Variants in FGF23 observed in about 807,000 individuals in gnomAD.
FGF23 encodes the protein fibroblast growth factor 23.
A neutral mutation model predicts 9.0 loss-of-function variants in FGF23; 8 were observed. The ratio of observed to expected loss-of-function variants is 0.89; its 90% confidence interval spans 0.52 to 1.60. The LOEUF (loss-of-function observed/expected upper bound fraction) is 1.60, where lower values mean the gene tolerates loss of function less well. Ranked by LOEUF, FGF23 falls within the 40% of genes most tolerant of loss-of-function variation. The pLI is 0.00. For synonymous variants in FGF23, 118 were observed against 146.2 expected (o/e 0.81, Z 1.39); for missense variants, 311 against 344.3 (o/e 0.90, Z 0.77).
At chr12:4,374,859 A>G (rs186575453) in intron 1 of FGF23, among the ~76,000 whole-genome samples, 1 of 152,314 alleles carries the variant, frequency 6.6e-6, no homozygotes, top group African/African-American at 2.4e-5. Flanking sequence ...TGATAAGGAA[A>G]CTAAGACAGG....
In FGF23 at chr12:4,369,015, T is replaced by A. The variant is rs1311908922; in HGVS notation, c.*1328A>T. On this transcript the variant is annotated 3_prime_UTR_variant, in exon 3 of 3. Coordinates refer to ENST00000237837, the MANE Select transcript of FGF23 (RefSeq NM_020638.3). ...TAATATACTGTCCTTTAGGTGGTCATTTAAAGAGAGGGAGGAAAATGGAGC... is the reference window on the plus strand; with the variant it reads ...TAATATACTGTCCTTTAGGTGGTCAATTAAAGAGAGGGAGGAAAATGGAGC... The A allele has an allele frequency of 1.3e-5, 3 of 227,484 alleles. No individual in the cohort carries two copies. Among genetic ancestry groups the A allele is most frequent in the African/African-American group, 6.7e-5 (3 of 45,002 alleles). 14.1% of individuals were successfully genotyped at this position (227,484 alleles called of 1,614,324 possible). A position where few individuals can be genotyped will look rare whatever the true frequency, so the allele number is the denominator to read the frequency against.
chr12:4,370,819 A>G (rs1865057061), intron 2 of FGF23, 36 bp from the exon 3 acceptor site: 1 of 1,600,266 alleles, frequency 6.2e-7, no homozygotes, highest in Non-Finnish European at 8.6e-7. Context: ...GAAGGCTGGC[A>G]GTGGGGGCCC....
intron 1 of FGF23, among the ~76,000 whole-genome samples, chr12:4,375,143 C>G (rs868587818): frequency 6.6e-6 from 1 of 152,196 alleles, no homozygotes; most frequent in Admixed American, 6.5e-5. Flanking sequence ...GCTGTCCTGC[C>G]TACTTCATAG....
intron 1 of FGF23, among the ~76,000 whole-genome samples, chr12:4,374,542 C>T (rs992580779): frequency 6.0e-5 from 9 of 150,842 alleles, no homozygotes; most frequent in East Asian, 2.0e-4. Flanking sequence ...CCCAGCTACT[C>T]GGGAGGCTGA....
rs1293486684 is a variant in FGF23, at chr12:4,372,714, G to A, written c.212-17C>T. 2.6e-6 allele frequency: 4 copies of A among 1,547,542 alleles called. No homozygotes were observed. Among genetic ancestry groups the A allele is most frequent in the Non-Finnish European group, 3.6e-6 (4 of 1,120,110 alleles). On this transcript the variant is annotated splice_polypyrimidine_tract_variant and intron_variant, in intron 1 of 2. Coordinates refer to ENST00000237837, the MANE Select transcript of FGF23 (RefSeq NM_020638.3). ...TCAGGGCACCTATGGAGAAAAACAGGCAGGGCAAAGACTCATTGCCATCCA... is the reference window on the plus strand; with the variant it reads ...TCAGGGCACCTATGGAGAAAAACAGACAGGGCAAAGACTCATTGCCATCCA...
rs371244880 is a variant in FGF23 at position 4,370,462 on chromosome 12, C to T, written c.637G>A (p.Ala213Thr). The T allele has an allele frequency of 3.1e-5, 50 of 1,612,946 alleles. 1 individual carries two copies. Among genetic ancestry groups the T allele is most frequent in the Non-Finnish European group, 3.2e-5 (38 of 1,179,454 alleles). Residue 213 changes from alanine (A) to threonine (T), a missense_variant, in exon 3 of 3, where the codon GCC becomes ACC. Around this residue, in one of 3 missense-constraint regions of FGF23, gnomAD observed 206 missense variants for 219.2 expected, o/e 0.94. Coordinates refer to ENST00000237837, the MANE Select transcript of FGF23 (RefSeq NM_020638.3). ...PASCSQELPSAEDNSPMASDP... is the reference protein window; with the variant it reads ...PASCSQELPSTEDNSPMASDP... ...CTGGCCATCGGGCTGTTGTCCTCGGCGCTCGGGAGCTCCTGTGAACAGGAG... is the reference window on the plus strand; with the variant it reads ...CTGGCCATCGGGCTGTTGTCCTCGGTGCTCGGGAGCTCCTGTGAACAGGAG...
In FGF23 at chr12:4,368,297, T is replaced by G. The variant is rs527720791; in HGVS notation, c.*2046A>C. The G allele has an allele frequency of 5.7e-6, 1 of 175,318 alleles. No individual in the cohort carries two copies. The highest frequency in any genetic ancestry group is 6.3e-5 in the Admixed American group (1 of 15,774). The allele number at this position is 175,318 out of a possible 1,614,324, so 10.9% of individuals were successfully genotyped here. A position where few individuals can be genotyped will look rare whatever the true frequency, so the allele number is the denominator to read the frequency against. On this transcript the variant is annotated 3_prime_UTR_variant, in exon 3 of 3. Coordinates refer to ENST00000237837, the MANE Select transcript of FGF23 (RefSeq NM_020638.3). ...CAATTAAAATCATTGAGTCTCCTTA[T>G]GAATGGAAGAAATCTTTGAAAATTT...
chr12:4,379,681 C>A lies in FGF23; in HGVS notation c.-99G>T. ...TTACTGGCCTTTTCCTTCTCCCTTGCAAGTAGCTGGTGTGAGGATCCTAGA... is the reference window on the plus strand; with the variant it reads ...TTACTGGCCTTTTCCTTCTCCCTTGAAAGTAGCTGGTGTGAGGATCCTAGA... On this transcript the variant is annotated 5_prime_UTR_variant, in exon 1 of 3. Coordinates refer to ENST00000237837, the MANE Select transcript of FGF23 (RefSeq NM_020638.3). 9.7e-7 allele frequency: 1 copy of A among 1,031,546 alleles called. No homozygotes were observed. 63.9% of individuals were successfully genotyped at this position (1,031,546 alleles called of 1,614,324 possible). A position where few individuals can be genotyped will look rare whatever the true frequency, so the allele number is the denominator to read the frequency against.
At chr12:4,378,815 C>A (rs1865146526) in intron 1 of FGF23, among the ~76,000 whole-genome samples, 1 of 152,022 alleles carries the variant, frequency 6.6e-6, no homozygotes, top group East Asian at 1.9e-4. Flanking sequence ...GTATACTTGG[C>A]CATTCTCACC....
chr12:4,371,741 G>A (rs1263484532), intron 2 of FGF23, among the ~76,000 whole-genome samples: 1 of 152,176 alleles, frequency 6.6e-6, no homozygotes, highest in Non-Finnish European at 1.5e-5. Context: ...CTTTTTCCAA[G>A]TGAAAATGCT....
chr12:4,378,763 TGG>T (rs1865145880), intron 1 of FGF23, among the ~76,000 whole-genome samples: 7 of 151,924 alleles, frequency 4.6e-5, no homozygotes, highest in Admixed American at 1.3e-4. Context: ...GATGGATGGA[TGG>T]ATGGATGGAT....
At chr12:4,371,492 A>G (rs1033239739) in intron 2 of FGF23, among the ~76,000 whole-genome samples, 6 of 152,348 alleles carry the variant, frequency 3.9e-5, no homozygotes, top group South Asian at 4.1e-4. Context: ...AGCAAAACAG[A>G]AAGTCTCTGT....
Position 4,379,687 on chromosome 12 carries a change from G to A in FGF23, c.-105C>T. On this transcript the variant is annotated 5_prime_UTR_variant, in exon 1 of 3. Transcript: ENST00000237837. Reference sequence around the variant, plus strand: ...GCCTTTTCCTTCTCCCTTGCAAGTAGCTGGTGTGAGGATCCTAGACTGGAT... The same window carrying A: ...GCCTTTTCCTTCTCCCTTGCAAGTAACTGGTGTGAGGATCCTAGACTGGAT... 6 of 931,096 alleles carry A rather than the reference G, an allele frequency of 6.4e-6. No individual in the cohort carries two copies. In the South Asian group the frequency reaches 8.4e-5, roughly 13 times the overall value. 57.7% of individuals were successfully genotyped at this position (931,096 alleles called of 1,614,324 possible).
intron 1 of FGF23, among the ~76,000 whole-genome samples, chr12:4,378,982 G>A (rs796532072): frequency 2.0e-5 from 3 of 152,274 alleles, no homozygotes; most frequent in African/African-American, 7.2e-5. Flanking sequence ...AAGTCCATGA[G>A]CTGAAACTTA....
In FGF23 at chr12:4,372,710, A is replaced by C. The variant is rs1460394833; in HGVS notation, c.212-13T>G. Reference sequence around the variant, plus strand: ...ATCATCAGGGCACCTATGGAGAAAAACAGGCAGGGCAAAGACTCATTGCCA... The same window carrying C: ...ATCATCAGGGCACCTATGGAGAAAACCAGGCAGGGCAAAGACTCATTGCCA... On this transcript the variant is annotated splice_polypyrimidine_tract_variant and intron_variant, in intron 1 of 2. Transcript: ENST00000237837. 2 of 1,574,964 alleles carry C rather than the reference A, an allele frequency of 1.3e-6. No individual in the cohort carries two copies. Among genetic ancestry groups the C allele is most frequent in the Middle Eastern group, 1.7e-4 (1 of 5,986 alleles).
rs11397562 is a variant in FGF23 at position 4,377,422 on chromosome 12, C to CTTTTT, written c.211+1945_211+1949dup. On this transcript the variant is annotated intron_variant, in intron 1 of 2. Transcript: ENST00000237837. ...TTCTGCATTTTAAATCACATATAGT[C>CTTTTT]TTTTTTTTTTTTTTTTTTTTTTTTT... is the stretch of plus-strand genomic sequence containing the variant. Among the ~76,000 whole-genome samples the CTTTTT allele has an allele frequency of 5.2e-4, 36 of 69,530 alleles. 7 individuals are homozygous for CTTTTT. The highest frequency in any genetic ancestry group is 7.3e-4 in the Non-Finnish European group (29 of 39,694). The allele number at this position is 69,530 out of a possible 152,430, so 45.6% of individuals were successfully genotyped here.
intron 1 of FGF23, among the ~76,000 whole-genome samples, chr12:4,377,728 C>CGA (rs1379683258): frequency 6.6e-4 from 10 of 15,236 alleles, no homozygotes; most frequent in Non-Finnish European, 5.4e-3. Context: ...CCACACCTGG[C>CGA]CCACATATAG....
At chr12:4,377,299 C>T (rs756324652) in intron 1 of FGF23, among the ~76,000 whole-genome samples, 5 of 151,974 alleles carry the variant, frequency 3.3e-5, no homozygotes, top group South Asian at 2.1e-4. Context: ...CTTTCAGCAA[C>T]GGGATTCCAG....
chr12:4,374,959 G>T (rs1222337658), intron 1 of FGF23, among the ~76,000 whole-genome samples: 1 of 152,082 alleles, frequency 6.6e-6, no homozygotes, highest in African/African-American at 2.4e-5. Flanking sequence ...AATATCAAAT[G>T]CTAAAATACA....
Sources: allele counts gnomAD v4.1 joint callset (sites outside exome capture counted in the v4.1 genomes callset), GRCh38; gene constraint gnomAD v4.1.1; regional missense constraint gnomAD v4.1.1; transcripts MANE v1.5; gene names NCBI Gene and HGNC (gene_info 2026-07-23, HGNC 2026-07-21).